The following WWC2 variants were observed in gnomAD, a reference collection of about 807,000 sequenced individuals.
WWC2 encodes the protein protein WWC2.
A neutral mutation model predicts 138.5 loss-of-function variants in WWC2; 101 were observed. The observed-to-expected ratio is 0.73, with a 90% CI of 0.62 to 0.86. The LOEUF is 0.86. Among genes scored for constraint, WWC2 ranks in the 40% least tolerant of loss-of-function variants. The pLI is 0.00. For synonymous variants in WWC2, 558 were observed against 538.4 expected, an observed-to-expected ratio of 1.04 and a Z score of -0.50; for missense variants, 1,420 against 1,419.4, an observed-to-expected ratio of 1.00 and a Z score of -0.01.
chr4:183,270,392 AC>A (rs1737660886), intron 15 of WWC2, among the ~76,000 whole-genome samples: 1 of 152,128 alleles, frequency 6.6e-6, no homozygotes, highest in African/African-American at 2.4e-5. Context: ...TTATTCAAGA[AC>A]CAAAGTGGAG....
chr4:183,264,270 A>G lies in WWC2; in HGVS notation c.1910-708A>G, dbSNP rs541187484. On this transcript the variant is annotated intron_variant, in intron 11 of 22. Transcript: ENST00000403733. ...CATACCAATACAGATCCCTGCGCTC[A>G]CTCTCACTCACTGGAGGATGAAAGA... Among the ~76,000 whole-genome samples the G allele has an allele frequency of 7.9e-5, 12 of 152,220 alleles. No individual in the cohort carries two copies. In the South Asian group the frequency reaches 2.5e-3, roughly 32 times the overall value.
chr4:183,191,873 A>G (rs1337787947), intron 1 of WWC2, among the ~76,000 whole-genome samples: 1 of 151,920 alleles, frequency 6.6e-6, no homozygotes, highest in East Asian at 1.9e-4. Context: ...GATTACAGGC[A>G]TGAGCCACAA....
intron 1 of WWC2, among the ~76,000 whole-genome samples, chr4:183,168,465 A>G (rs1734184700): frequency 6.6e-6 from 1 of 152,220 alleles, no homozygotes; most frequent in African/African-American, 2.4e-5. Flanking sequence ...ATTGGCAATC[A>G]GACAGATTGT....
At chr4:183,173,876 A>G (rs1734370250) in intron 1 of WWC2, among the ~76,000 whole-genome samples, 1 of 152,144 alleles carries the variant, frequency 6.6e-6, no homozygotes, top group African/African-American at 2.4e-5. Context: ...TCTCAGTCAT[A>G]TTTAAGAATG....
chr4:183,309,448 C>T (rs1739140083), intron 21 of WWC2, among the ~76,000 whole-genome samples: 2 of 152,186 alleles, frequency 1.3e-5, no homozygotes, highest in Non-Finnish European at 1.5e-5. Flanking sequence ...CTAACCAAAG[C>T]AGATGACAAA....
chr4:183,267,511 CAGTG>C (rs761777109), intron 14 of WWC2, among the ~76,000 whole-genome samples: 18 of 152,202 alleles, frequency 1.2e-4, no homozygotes, highest in Non-Finnish European at 1.9e-4. Context: ...AAACAATAAA[CAGTG>C]AGAACTAATG....
At chr4:183,245,615 A>G in intron 6 of WWC2, 70 bp downstream of exon 6, 1 of 1,451,194 alleles carries the variant, frequency 6.9e-7, no homozygotes, top group Non-Finnish European at 9.1e-7. Context: ...TTACTGGGGC[A>G]GAAGTGCTCC....
intron 21 of WWC2, among the ~76,000 whole-genome samples, chr4:183,302,572 T>TG (rs11394868): frequency 0.52 from 79,068 of 151,908 alleles, 21,244 homozygotes; most frequent in Non-Finnish European, 0.57. Context: ...AAAGCACTGC[T>TG]GTTAGCTTAG....
intron 1 of WWC2, among the ~76,000 whole-genome samples, chr4:183,190,646 C>T (rs1299481158): frequency 6.6e-6 from 1 of 151,872 alleles, no homozygotes; most frequent in African/African-American, 2.4e-5. Flanking sequence ...AGGAACTCTG[C>T]AAAGAAATTT....
chr4:183,310,312 C>A (rs2063492), intron 21 of WWC2, among the ~76,000 whole-genome samples: 113,657 of 152,018 alleles, frequency 0.75, 42,944 homozygotes, highest in Non-Finnish European at 0.81. Context: ...GGCAGGGAGT[C>A]AATGAGAACT....
intron 4 of WWC2, among the ~76,000 whole-genome samples, chr4:183,226,866 A>C (rs888586927): frequency 1.4e-4 from 21 of 152,202 alleles, no homozygotes; most frequent in Admixed American, 1.2e-3. Flanking sequence ...TGGATAAGGT[A>C]GAAAGAAAGA....
intron 11 of WWC2, among the ~76,000 whole-genome samples, chr4:183,263,367 CCT>C (rs1381986726): frequency 2.6e-5 from 4 of 152,154 alleles, no homozygotes; most frequent in African/African-American, 4.8e-5. Context: ...GTCTGGGAGT[CCT>C]GTCTTGCAAG....
chr4:183,271,785 C>T (rs954554042), intron 16 of WWC2, among the ~76,000 whole-genome samples: 3 of 152,140 alleles, frequency 2.0e-5, no homozygotes, highest in African/African-American at 7.2e-5. Context: ...AGGCGAATTG[C>T]TTTTGCTCAG....
At chr4:183,169,669 G>A (rs1423898489) in intron 1 of WWC2, among the ~76,000 whole-genome samples, 1 of 151,760 alleles carries the variant, frequency 6.6e-6, no homozygotes, top group African/African-American at 2.4e-5. Flanking sequence ...TAAATAATAG[G>A]GTGAATATAT....
chr4:183,110,788 G>A (rs530285063), intron 1 of WWC2, among the ~76,000 whole-genome samples: 4 of 152,276 alleles, frequency 2.6e-5, no homozygotes, highest in African/African-American at 7.2e-5. Flanking sequence ...CATTTGGAAG[G>A]CAAAGAGGCT....
intron 21 of WWC2, among the ~76,000 whole-genome samples, chr4:183,297,899 A>G (rs1252313298): frequency 2.0e-5 from 3 of 152,224 alleles, no homozygotes; most frequent in Admixed American, 6.5e-5. Context: ...TGTTCTACCC[A>G]TGTGCACATA....
intron 4 of WWC2, among the ~76,000 whole-genome samples, chr4:183,220,628 A>G (rs968147415): frequency 1.3e-5 from 2 of 151,890 alleles, no homozygotes; most frequent in Non-Finnish European, 2.9e-5. Flanking sequence ...AGGTCAGGAG[A>G]TTGAGACCAT....
rs999955089 is a variant in WWC2 at position 183,265,019 on chromosome 4, C to A, written c.1951C>A (p.Leu651Ile). ...ACCAAAAAGAAGAGTGATCCACTTG[C>A]TTGGGGAGAAAACCACTTGTGTGTC... is the stretch of plus-strand genomic sequence containing the variant. Reference protein sequence around the residue: ...SLPKRRVIHLLGEKTTCVSAA... With the variant: ...SLPKRRVIHLIGEKTTCVSAA... The change falls in exon 12 of 23, where the codon CTT becomes ATT. Residue 651 changes from leucine (L) to isoleucine (I), a missense_variant. By Grantham distance (5) the Leu-to-Ile change is conservative. Coordinates refer to ENST00000403733, the MANE Select transcript of WWC2 (RefSeq NM_024949.6). The A allele has an allele frequency of 6.2e-7, 1 of 1,613,310 alleles. No homozygotes were observed. Among genetic ancestry groups the A allele is most frequent in the Non-Finnish European group, 8.5e-7 (1 of 1,179,510 alleles).
chr4:183,229,360 C>T (rs1177330913), intron 4 of WWC2, among the ~76,000 whole-genome samples: 3 of 152,132 alleles, frequency 2.0e-5, no homozygotes, highest in African/African-American at 2.4e-5. Flanking sequence ...TTCAAAGCAT[C>T]TCCCCTCAAC....
Sources: gnomAD v4.1 joint callset for allele counts (sites outside exome capture counted in the v4.1 genomes callset) on GRCh38, gnomAD v4.1.1 for gene constraint, MANE v1.5 for transcripts, NCBI Gene and HGNC (gene_info 2026-07-23, HGNC 2026-07-21) for gene names.